Variants in SRPK2 observed in about 807,000 individuals in gnomAD.
SRPK2 encodes SRSF protein kinase 2.
In SRPK2, 21 loss-of-function variants were observed where a neutral mutation model predicts 90.8. The ratio of observed to expected loss-of-function variants is 0.23; its 90% CI spans 0.16 to 0.33. SRPK2 has a LOEUF of 0.33. SRPK2 is among the 10% of genes least tolerant of loss of function. SRPK2 has a pLI of 1.00. For missense variants in SRPK2, 620 were observed against 869.0 expected, an observed-to-expected ratio of 0.71 and a Z score of 3.60; for synonymous variants, 288 against 311.1, an observed-to-expected ratio of 0.93 and a Z score of 0.78.
chr7:105,167,514 T>G (rs1790225281), intron 5 of SRPK2, 50 bp from the exon 6 acceptor site: 12 of 1,396,168 alleles, frequency 8.6e-6, no homozygotes, highest in Non-Finnish European at 1.2e-5. Flanking sequence ...AGACAAAGCA[T>G]GTTTTCCCAT....
chr7:105,224,177 T>C (rs919255475), intron 2 of SRPK2, among the ~76,000 whole-genome samples: 3 of 152,216 alleles, frequency 2.0e-5, no homozygotes, highest in South Asian at 2.1e-4. Flanking sequence ...TAAATATTTA[T>C]ATTTTATGAG....
Position 105,265,611 on chromosome 7 carries a change from ACTT to A in SRPK2, c.72-61829_72-61827del, listed in dbSNP as rs1303727177. On this transcript the variant is annotated intron_variant, in intron 2 of 15. Coordinates refer to ENST00000393651, the MANE Select transcript of SRPK2 (RefSeq NM_182692.3). ...GAAAGGGCAAAATGAAGAAACGAGA[ACTT>A]GAAAACCTAGTTTTTTTAATCAGAT... Among the ~76,000 whole-genome samples, 68 of 152,170 alleles carry A rather than the reference ACTT, an allele frequency of 4.5e-4. 1 individual carries two copies. The highest frequency in any genetic ancestry group is 4.5e-3 in the Admixed American group (68 of 15,264).
chr7:105,181,966 C>T (rs1242710372), intron 3 of SRPK2, among the ~76,000 whole-genome samples: 1 of 151,242 alleles, frequency 6.6e-6, no homozygotes, highest in East Asian at 1.9e-4. Context: ...CGGGGGCTCA[C>T]GCCTGTAATC....
intron 9 of SRPK2, 85 bp downstream of exon 9, chr7:105,145,198 A>G: frequency 9.1e-7 from 1 of 1,096,496 alleles, no homozygotes; most frequent in Non-Finnish European, 1.3e-6. Context: ...CTTTAAATAC[A>G]CAACTTTTTT....
At chr7:105,346,088 GAC>G (rs1322807342) in intron 2 of SRPK2, among the ~76,000 whole-genome samples, 3 of 152,342 alleles carry the variant, frequency 2.0e-5, no homozygotes, top group African/African-American at 7.2e-5. Context: ...AGTACCAGGT[GAC>G]AGTCTTTCTA....
chr7:105,169,106 G>T, intron 4 of SRPK2, 51 bp downstream of exon 4: 7 of 1,492,554 alleles, frequency 4.7e-6, no homozygotes, highest in Non-Finnish European at 6.5e-6. Context: ...TTAGAACACA[G>T]ATGTTGAACT....
chr7:105,136,388 G>A (rs1802809620), intron 11 of SRPK2, among the ~76,000 whole-genome samples: 1 of 152,198 alleles, frequency 6.6e-6, no homozygotes, highest in South Asian at 2.1e-4. Context: ...AGTCACCACA[G>A]TAGTGACCTG....
intron 3 of SRPK2, among the ~76,000 whole-genome samples, chr7:105,178,616 C>T (rs1285615493): frequency 2.0e-5 from 3 of 151,850 alleles, no homozygotes; most frequent in Non-Finnish European, 4.4e-5. Context: ...GCCAGGAGTT[C>T]GAGACTAGCC....
chr7:105,134,326 T>C (rs1240545247), intron 11 of SRPK2, among the ~76,000 whole-genome samples: 2 of 152,238 alleles, frequency 1.3e-5, no homozygotes, highest in Admixed American at 6.5e-5. Context: ...TGTTTAAAAG[T>C]GTGTAGCACG....
At position 105,294,532 on chromosome 7, in the gene SRPK2, GTTTTGTTTT is replaced by G. The variant is rs1035779760; in HGVS notation, c.72-90756_72-90748del. ...CTGTTTTTTTGTTTTGTTTTGTTTT[GTTTTGTTTT>G]GTTTTTTTGAAATGGAGTCTCTGTG... On this transcript the variant is annotated intron_variant, in intron 2 of 15. Coordinates refer to ENST00000393651, the MANE Select transcript of SRPK2 (RefSeq NM_182692.3). Among the ~76,000 whole-genome samples, 10 of 151,638 alleles carry G rather than the reference GTTTTGTTTT, an allele frequency of 6.6e-5. No individual in the cohort carries two copies. In the East Asian group the frequency reaches 1.9e-3, roughly 29 times the overall value.
intron 2 of SRPK2, among the ~76,000 whole-genome samples, chr7:105,309,714 T>A (rs6942483): frequency 0.41 from 62,870 of 151,928 alleles, 14,881 homozygotes; most frequent in Non-Finnish European, 0.53. Context: ...GTAAAATATC[T>A]CCAATTTTAA....
chr7:105,126,942 A>G, intron 14 of SRPK2, 51 bp downstream of exon 14: 1 of 1,574,196 alleles, frequency 6.4e-7, no homozygotes, highest in Non-Finnish European at 8.7e-7. Flanking sequence ...ACAGAAGTTC[A>G]GGGCTGGCAG....
At chr7:105,299,202 C>A (rs905494976) in intron 2 of SRPK2, among the ~76,000 whole-genome samples, 1 of 152,208 alleles carries the variant, frequency 6.6e-6, no homozygotes. Context: ...TCTCACCATC[C>A]CAATCTGAAG....
Position 105,295,210 on chromosome 7 carries a change from C to CA in SRPK2, c.72-91426dup, listed in dbSNP as rs10609905. 2.4e-3 allele frequency among the ~76,000 whole-genome samples: 336 copies of CA among 141,146 alleles called. 2 individuals are homozygous for CA. The highest frequency in any genetic ancestry group is 0.02 in the South Asian group (90 of 4,560). The allele number at this position is 141,146 out of a possible 152,430, so 92.6% of individuals were successfully genotyped here. A position where few individuals can be genotyped will look rare whatever the true frequency, so the allele number is the denominator to read the frequency against. ...TGGGTGACAGAGCGAGAACCCGTCT[C>CA]AAAAAAAAAAAAAATTGAATGAAAA... On this transcript the variant is annotated intron_variant, in intron 2 of 15. Coordinates refer to ENST00000393651, the MANE Select transcript of SRPK2 (RefSeq NM_182692.3).
chr7:105,270,735 G>A lies in SRPK2; in HGVS notation c.72-66950C>T, dbSNP rs77654925. On this transcript the variant is annotated intron_variant, in intron 2 of 15. Transcript: ENST00000393651. ...CCTCTGCCATTTTTAATAGCTGTAT[G>A]ACCTTGGAGAAATTACTTAAACTCT... Among the ~76,000 whole-genome samples, 779 of 152,136 alleles carry A rather than the reference G, an allele frequency of 5.1e-3. 11 individuals are homozygous for A. In the East Asian group the frequency reaches 0.054, roughly 11 times the overall value.
At chr7:105,184,512 C>T (rs1248793253) in intron 3 of SRPK2, among the ~76,000 whole-genome samples, 1 of 152,138 alleles carries the variant, frequency 6.6e-6, no homozygotes, top group African/African-American at 2.4e-5. Flanking sequence ...AGGAATGCTA[C>T]AGATTTGATT....
At chr7:105,168,745 ATGTGTGTGTGTGTGTGTG>A (rs58073613) in intron 4 of SRPK2, among the ~76,000 whole-genome samples, 3 of 104,008 alleles carry the variant, frequency 2.9e-5, no homozygotes, top group Non-Finnish European at 6.3e-5. Context: ...CACGCACCAA[ATGTGTGTGTGTGTGTGTG>A]TGTGTGTGTG....
intron 2 of SRPK2, among the ~76,000 whole-genome samples, chr7:105,261,366 A>C (rs528392311): frequency 1.9e-4 from 29 of 152,136 alleles, no homozygotes; most frequent in African/African-American, 7.0e-4. Context: ...CTAAAAATAC[A>C]AAAAATTAGC....
chr7:105,241,230 C>A (rs1412534214), intron 2 of SRPK2, among the ~76,000 whole-genome samples: 4 of 152,172 alleles, frequency 2.6e-5, no homozygotes, highest in Non-Finnish European at 5.9e-5. Context: ...AAAGCATCCG[C>A]CAGCTCCTAG....
Sources: allele counts gnomAD v4.1 joint callset (sites outside exome capture counted in the v4.1 genomes callset), GRCh38; gene constraint gnomAD v4.1.1; transcripts MANE v1.5; gene names NCBI Gene and HGNC (gene_info 2026-07-23, HGNC 2026-07-21).